Variants in APC observed in about 807,000 individuals in gnomAD.
APC encodes adenomatous polyposis coli protein.
In APC, 72 loss-of-function variants were observed where a neutral mutation model predicts 247.0. The observed-to-expected ratio is 0.29, with a 90% confidence interval of 0.24 to 0.35. APC has a LOEUF of 0.35. Ranked by LOEUF, APC falls within the 10% of genes least tolerant of loss-of-function variation. The pLI, the probability that APC is intolerant of heterozygous loss-of-function variation, is 1.00. For missense variants in APC, 3,400 were observed against 3,360.7 expected, an observed-to-expected ratio of 1.01 and a Z score of -0.29; for synonymous variants, 1,254 against 1,162.5, an observed-to-expected ratio of 1.08 and a Z score of -1.60.
intron 5 of APC, among the ~76,000 whole-genome samples, chr5:112,776,724 T>C (rs1757690213): frequency 2.6e-5 from 4 of 151,912 alleles, no homozygotes; most frequent in Admixed American, 2.0e-4. Context: ...GCCTGTAATC[T>C]CAGCTACTTG....
At chr5:112,826,722 A>G (rs1445451941) in intron 11 of APC, among the ~76,000 whole-genome samples, 3 of 151,926 alleles carry the variant, frequency 2.0e-5, no homozygotes, top group Non-Finnish European at 4.4e-5. Context: ...GACAATAAAG[A>G]GTGTTTATAA....
chr5:112,798,599 T>C (rs1486099101), intron 7 of APC, among the ~76,000 whole-genome samples: 1 of 152,150 alleles, frequency 6.6e-6, no homozygotes, highest in Non-Finnish European at 1.5e-5. Context: ...GTAGAAAACC[T>C]TGGAGAAGTT....
rs149134519 is a variant in APC, at chr5:112,815,822, G to C, written c.933+229G>C. On this transcript the variant is annotated intron_variant, in intron 9 of 15. Transcript: ENST00000257430. ...GTGGTGGCACACACCTGTGGTCCCAGCTACTCAGGAGGCTGAGGCATGAGA... is the reference window on the plus strand; with the variant it reads ...GTGGTGGCACACACCTGTGGTCCCACCTACTCAGGAGGCTGAGGCATGAGA... 1.8e-3 allele frequency among the ~76,000 whole-genome samples: 274 copies of C among 152,316 alleles called. 1 individual carries two copies. Among genetic ancestry groups the C allele is most frequent in the African/African-American group, 6.4e-3 (265 of 41,568 alleles).
intron 4 of APC, among the ~76,000 whole-genome samples, chr5:112,772,065 C>A (rs957392009): frequency 1.2e-4 from 19 of 152,164 alleles, no homozygotes; most frequent in African/African-American, 4.6e-4. Flanking sequence ...TTGTTGCTGT[C>A]ATGTTCACTA....
At chr5:112,769,898 GTC>G (rs1352267499) in intron 4 of APC, among the ~76,000 whole-genome samples, 2 of 152,092 alleles carry the variant, frequency 1.3e-5, no homozygotes, top group Non-Finnish European at 2.9e-5. Flanking sequence ...GTTTACATAA[GTC>G]TCTGTTTCAT....
At position 112,842,703 on chromosome 5, in the gene APC, G is replaced by T. The variant is rs140079759; in HGVS notation, c.7109G>T (p.Gly2370Val). The T allele has an allele frequency of 2.7e-5, 44 of 1,613,238 alleles. No homozygotes were observed. The African/African-American group carries it at 5.5e-4, about 20-fold the overall frequency. Reference sequence around the variant, plus strand: ...GGAAAAATGTCATATACATCTCCAGGTAGACAGATGAGCCAACAGAACCTT... The same window carrying T: ...GGAAAAATGTCATATACATCTCCAGTTAGACAGATGAGCCAACAGAACCTT... ...GSGKMSYTSP[G>V]RQMSQQNLTK... The change falls in exon 16 of 16, where the codon GGT (glycine) becomes GTT (valine). Residue 2370 changes from glycine (G) to valine (V), a missense_variant. By Grantham distance (109) the Gly-to-Val change is moderately radical (BLOSUM62 -3). Around this residue, in one of 9 missense-constraint regions of APC, gnomAD observed 1,788 missense variants for 1,649.5 expected, o/e 1.08. Transcript: ENST00000257430.
At chr5:112,777,799 C>A in intron 5 of APC, 1 of 256,502 alleles carries the variant, frequency 3.9e-6, no homozygotes, top group South Asian at 6.6e-5. Flanking sequence ...CCACTGCTGT[C>A]TGTGGCACCA....
At chr5:112,804,040 C>T (rs1761112811) in intron 8 of APC, among the ~76,000 whole-genome samples, 1 of 152,286 alleles carries the variant, frequency 6.6e-6, no homozygotes, top group East Asian at 1.9e-4. Context: ...TTCTTCAGTT[C>T]CTTGAGTATG....
At position 112,839,978 on chromosome 5, in the gene APC, AAG is replaced by A. The variant is rs387906234; in HGVS notation, c.4393_4394del (p.Ser1465TrpfsTer3). ...TAAAAATAAAGCACCTACTGCTGAA[AAG>A]AGAGAGAGTGGACCTAAGCAAGCTG... ...VPKNKAPTAE[K>X]RESGPKQAAV... On this transcript the variant is annotated frameshift_variant, in exon 16 of 16. Coordinates refer to ENST00000257430, the MANE Select transcript of APC (RefSeq NM_000038.6). LOFTEE classifies it high-confidence loss of function. This position sits in a 1 kb window ranked among gnomAD's most constrained non-coding sequence, Gnocchi z 5.0. 1 of 1,614,124 alleles carries A rather than the reference AAG, an allele frequency of 6.2e-7. No individual in the cohort carries two copies. The highest frequency in any genetic ancestry group is 8.5e-7 in the Non-Finnish European group (1 of 1,180,038).
chr5:112,782,549 A>C (rs1758462932), intron 6 of APC, among the ~76,000 whole-genome samples: 1 of 152,182 alleles, frequency 6.6e-6, no homozygotes, highest in Non-Finnish European at 1.5e-5. Flanking sequence ...GTTTGTGTGC[A>C]TGTGCATGTA....
At chr5:112,755,116 T>C in intron 2 of APC, 91 bp downstream of exon 2, 3 of 1,560,962 alleles carry the variant, frequency 1.9e-6, no homozygotes, top group Non-Finnish European at 1.7e-6. Context: ...TACTTAAAAG[T>C]GTATTTTAAA....
intron 7 of APC, among the ~76,000 whole-genome samples, chr5:112,794,367 A>G (rs1279556121): frequency 6.6e-6 from 1 of 152,222 alleles, no homozygotes; most frequent in African/African-American, 2.4e-5. Flanking sequence ...GGCGTGAGCC[A>G]CTGCGCCTGA....
intron 2 of APC, among the ~76,000 whole-genome samples, chr5:112,761,302 A>G (rs1755642198): frequency 2.0e-5 from 3 of 152,232 alleles, no homozygotes; most frequent in African/African-American, 4.8e-5. Flanking sequence ...AAGGGAACAA[A>G]TAGGTAATAG....
At chr5:112,728,516 A>G (rs1751925903) in intron 1 of APC, among the ~76,000 whole-genome samples, 1 of 152,220 alleles carries the variant, frequency 6.6e-6, no homozygotes, top group South Asian at 2.1e-4. Flanking sequence ...AAAACACTGC[A>G]TACCTTGAAA....
At chr5:112,717,242 G>A (rs1161861861) in intron 1 of APC, among the ~76,000 whole-genome samples, 1 of 152,016 alleles carries the variant, frequency 6.6e-6, no homozygotes, top group Non-Finnish European at 1.5e-5. Context: ...TGAAGTCCCG[G>A]CCTCCCAGAA....
intron 8 of APC, among the ~76,000 whole-genome samples, chr5:112,801,727 A>G (rs1263195424): frequency 2.6e-5 from 4 of 152,038 alleles, no homozygotes; most frequent in Non-Finnish European, 4.4e-5. Context: ...TTGCTCTTTC[A>G]CTAAGACCTT....
At chr5:112,761,209 G>C (rs1755630676) in intron 2 of APC, among the ~76,000 whole-genome samples, 1 of 152,084 alleles carries the variant, frequency 6.6e-6, no homozygotes, top group Non-Finnish European at 1.5e-5. Flanking sequence ...ATCATCTTAA[G>C]TCTCTTTTGT....
chr5:112,717,076 T>C (rs1350068697), intron 1 of APC, among the ~76,000 whole-genome samples: 1 of 152,164 alleles, frequency 6.6e-6, no homozygotes, highest in Non-Finnish European at 1.5e-5. Context: ...AGTAGCGTGA[T>C]CTTGGCTCAC....
intron 2 of APC, among the ~76,000 whole-genome samples, chr5:112,764,790 A>G (rs1472534504): frequency 3.3e-5 from 5 of 152,204 alleles, no homozygotes; most frequent in Non-Finnish European, 7.3e-5. Context: ...AATGGATGGA[A>G]AGAGAATTGG....
Sources: allele counts gnomAD v4.1 joint callset (sites outside exome capture counted in the v4.1 genomes callset), GRCh38; gene constraint gnomAD v4.1.1; regional missense constraint gnomAD v4.1.1; non-coding constraint Gnocchi (gnomAD v3.1); transcripts MANE v1.5; gene names NCBI Gene and HGNC (gene_info 2026-07-23, HGNC 2026-07-21).